Variants in CPQ observed in about 807,000 individuals in gnomAD.
CPQ encodes the protein Ser-Met dipeptidase.
A neutral mutation model predicts 45.7 loss-of-function variants in CPQ; 37 were observed. The ratio of observed to expected loss-of-function variants is 0.81; its 90% CI spans 0.62 to 1.07. The LOEUF is 1.07. CPQ is among the 50% of genes least tolerant of loss of function. CPQ has a pLI of 0.00. For synonymous variants in CPQ, 186 were observed against 205.8 expected (o/e 0.90, Z 0.82); for missense variants, 537 against 572.9 (o/e 0.94, Z 0.64).
At chr8:96,701,629 T>A (rs1006195853) in intron 1 of CPQ, among the ~76,000 whole-genome samples, 1 of 152,126 alleles carries the variant, frequency 6.6e-6, no homozygotes, top group Non-Finnish European at 1.5e-5. Context: ...TCCGAAGAGA[T>A]CTGAGGTAGG....
rs1361044669 is a variant in CPQ at position 97,029,493 on chromosome 8, A to T, written c.1052A>T (p.Lys351Met). 6.2e-7 allele frequency: 1 copy of T among 1,601,426 alleles called. No homozygotes were observed. The highest frequency in any genetic ancestry group is 1.7e-5 in the Admixed American group (1 of 58,760). The change falls in exon 6 of 8, where the codon AAG becomes ATG. Residue 351 changes from lysine (K) to methionine (M), a missense_variant and splice_region_variant. Transcript: ENST00000220763. ...VGAFQYYQLH[K>M]VNISNYSLVM... is the part of the protein sequence containing the mutation. Reference sequence around the variant, plus strand: ...GCCTTCCAGTATTATCAGTTACACAAGGTAAAAACCCAGCTGTGGATTGCT... The same window carrying T: ...GCCTTCCAGTATTATCAGTTACACATGGTAAAAACCCAGCTGTGGATTGCT...
chr8:96,974,556 C>A (rs1025531707), intron 5 of CPQ, among the ~76,000 whole-genome samples: 2 of 152,098 alleles, frequency 1.3e-5, no homozygotes, highest in Admixed American at 1.3e-4. Context: ...CCAGCAACTG[C>A]AGAATATACA....
rs35247469 is a variant in CPQ, at chr8:96,730,866, CATATATAT to C, written c.-34-53979_-34-53972del. On this transcript the variant is annotated intron_variant, in intron 1 of 7. Transcript: ENST00000220763. ...GATCTAGATCAATTAACCATACATA[CATATATAT>C]ATATATATATATATATATGCATTTT... Among the ~76,000 whole-genome samples the C allele has an allele frequency of 4.1e-3, 284 of 68,704 alleles. 12 individuals are homozygous for C. The highest frequency in any genetic ancestry group is 0.011 in the African/African-American group (217 of 19,706). 45.1% of individuals were successfully genotyped at this position (68,704 alleles called of 152,430 possible). A position where few individuals can be genotyped will look rare whatever the true frequency, so the allele number is the denominator to read the frequency against.
intron 4 of CPQ, among the ~76,000 whole-genome samples, chr8:96,930,276 T>A (rs754825063): frequency 6.6e-6 from 1 of 152,184 alleles, no homozygotes; most frequent in Non-Finnish European, 1.5e-5. Context: ...CCTTCACTTG[T>A]TGAGGAATTG....
chr8:97,124,207 C>CA (rs1811805271), intron 7 of CPQ, among the ~76,000 whole-genome samples: 1 of 104,370 alleles, frequency 9.6e-6, no homozygotes. Flanking sequence ...GCCTGGGCGA[C>CA]AGAGCAAGAC....
intron 1 of CPQ, among the ~76,000 whole-genome samples, chr8:96,768,620 C>T (rs1810498919): frequency 6.6e-6 from 1 of 152,146 alleles, no homozygotes; most frequent in South Asian, 2.1e-4. Context: ...TGTAGCTAGA[C>T]GATGTTTTCT....
At chr8:96,831,079 A>G (rs940124104) in intron 2 of CPQ, among the ~76,000 whole-genome samples, 4 of 152,200 alleles carry the variant, frequency 2.6e-5, no homozygotes, top group African/African-American at 9.6e-5. Context: ...ACATTCAAAT[A>G]TAGCTATTAC....
At chr8:96,920,838 C>A (rs376468709) in intron 4 of CPQ, among the ~76,000 whole-genome samples, 1 of 152,234 alleles carries the variant, frequency 6.6e-6, no homozygotes, top group African/African-American at 2.4e-5. Flanking sequence ...AAGAAATCAG[C>A]CCTGCCAACA....
chr8:96,791,178 A>C (rs73696244), intron 2 of CPQ, among the ~76,000 whole-genome samples: 157 of 152,294 alleles, frequency 1.0e-3, no homozygotes, highest in African/African-American at 3.7e-3. Flanking sequence ...AACTGGTAAG[A>C]GGCCTTGTTT....
At chr8:96,797,733 G>C (rs1169009184) in intron 2 of CPQ, among the ~76,000 whole-genome samples, 2 of 151,936 alleles carry the variant, frequency 1.3e-5, no homozygotes, top group Non-Finnish European at 2.9e-5. Flanking sequence ...CCCGAGCAAC[G>C]TAGTGAAACT....
At position 96,922,332 on chromosome 8, in the gene CPQ, T is replaced by C. The variant is rs539710910; in HGVS notation, c.849+42327T>C. On this transcript the variant is annotated intron_variant, in intron 4 of 7. Transcript: ENST00000220763. The stretch of plus-strand genomic sequence containing the variant: ...TACAAGATGACATAAGTAGAGGGTT[T>C]GGAAAAAAGAAAAAAAAATCTTTGG... Among the ~76,000 whole-genome samples, 7 of 152,202 alleles carry C rather than the reference T, an allele frequency of 4.6e-5. No homozygotes were observed. In the South Asian group the frequency reaches 1.5e-3, roughly 32 times the overall value.
chr8:96,825,994 A>T (rs1811374489), intron 2 of CPQ, among the ~76,000 whole-genome samples: 1 of 152,108 alleles, frequency 6.6e-6, no homozygotes, highest in Admixed American at 6.6e-5. Context: ...TTAGGGATGA[A>T]ATAGTGAAAT....
chr8:96,865,890 G>A (rs746122310), intron 3 of CPQ, among the ~76,000 whole-genome samples: 43 of 152,000 alleles, frequency 2.8e-4, no homozygotes, highest in Admixed American at 5.9e-4. Context: ...TATACTAAAT[G>A]CTAGACATAT....
chr8:96,682,767 C>T (rs1809168587), intron 1 of CPQ, among the ~76,000 whole-genome samples: 2 of 152,084 alleles, frequency 1.3e-5, no homozygotes, highest in South Asian at 4.1e-4. Flanking sequence ...ACTATTCCTG[C>T]TTGCTTTTGG....
intron 4 of CPQ, among the ~76,000 whole-genome samples, chr8:96,937,071 T>C (rs1370099909): frequency 6.6e-6 from 1 of 152,130 alleles, no homozygotes; most frequent in African/African-American, 2.4e-5. Context: ...TCATTGTCTC[T>C]TATGACTGAG....
rs906716941 is a variant in CPQ at position 96,941,839 on chromosome 8, CGTT to C, written c.850-24092_850-24090del. Reference sequence around the variant, plus strand: ...TTTTCATATCTTTACATACATACTGCGTTGTTAAGTCCTATTGTCATAACCATG... The same window carrying C: ...TTTTCATATCTTTACATACATACTGCGTTAAGTCCTATTGTCATAACCATG... On this transcript the variant is annotated intron_variant, in intron 4 of 7. Transcript: ENST00000220763. 1.1e-4 allele frequency among the ~76,000 whole-genome samples: 17 copies of C among 152,198 alleles called. No homozygotes were observed. The East Asian group carries it at 1.7e-3, about 16-fold the overall frequency.
chr8:97,050,891 G>A (rs967845883), intron 6 of CPQ, among the ~76,000 whole-genome samples: 2 of 152,026 alleles, frequency 1.3e-5, no homozygotes, highest in Admixed American at 6.6e-5. Context: ...ACAATGCCTC[G>A]AGAGAACAGA....
At chr8:96,906,572 T>C (rs1412749154) in intron 4 of CPQ, among the ~76,000 whole-genome samples, 1 of 152,192 alleles carries the variant, frequency 6.6e-6, no homozygotes, top group Non-Finnish European at 1.5e-5. Flanking sequence ...ACATAGCTTA[T>C]ATACAACAGA....
intron 6 of CPQ, among the ~76,000 whole-genome samples, chr8:97,033,501 ATC>A (rs1809944408): frequency 1.3e-5 from 2 of 152,262 alleles, no homozygotes; most frequent in South Asian, 4.1e-4. Flanking sequence ...GTATACAATG[ATC>A]TCTTTCTCGT....
Sources: gnomAD v4.1 joint callset for allele counts (sites outside exome capture counted in the v4.1 genomes callset) on GRCh38, gnomAD v4.1.1 for gene constraint, MANE v1.5 for transcripts, NCBI Gene and HGNC (gene_info 2026-07-23, HGNC 2026-07-21) for gene names.